Variants in CACNA2D3 observed in about 807,000 individuals in gnomAD.
CACNA2D3 encodes calcium voltage-gated channel auxiliary subunit alpha2delta 3.
In CACNA2D3, 60 loss-of-function variants were observed where a neutral mutation model predicts 160.6. The observed-to-expected ratio is 0.37, with a 90% confidence interval of 0.30 to 0.46. The LOEUF is 0.46. Ranked by LOEUF, CACNA2D3 falls within the 20% of genes least tolerant of loss-of-function variation. The pLI is 1.00. For missense variants in CACNA2D3, 1,205 were observed against 1,365.0 expected (o/e 0.88, Z 1.85); for synonymous variants, 558 against 492.9 (o/e 1.13, Z -1.75).
chr3:54,290,855 A>G (rs1703178536), intron 2 of CACNA2D3, among the ~76,000 whole-genome samples: 2 of 152,104 alleles, frequency 1.3e-5, no homozygotes, highest in East Asian at 3.9e-4. Flanking sequence ...TGGCAATTGA[A>G]CAATGAGAAC....
At chr3:54,326,616 A>G (rs1704126674) in intron 3 of CACNA2D3, among the ~76,000 whole-genome samples, 1 of 152,238 alleles carries the variant, frequency 6.6e-6, no homozygotes, top group Non-Finnish European at 1.5e-5. Context: ...TCCATTTGTA[A>G]GTTAAGGAAA....
Position 54,321,890 on chromosome 3 carries a change from G to A in CACNA2D3, c.321+1332G>A, listed in dbSNP as rs1322435289. Among the ~76,000 whole-genome samples the A allele has an allele frequency of 2.0e-5, 3 of 148,336 alleles. No homozygotes were observed. The East Asian group carries it at 6.0e-4, about 30-fold the overall frequency. ...AATTCACAGCTGCTCCAGCGACAGT[G>A]GTGTGCAAGTGCTTATTTTCTGAAA... On this transcript the variant is annotated intron_variant, in intron 3 of 37. Coordinates refer to ENST00000474759, the MANE Select transcript of CACNA2D3 (RefSeq NM_018398.3).
In CACNA2D3 at chr3:54,612,436, T is replaced by C. The variant is rs1042508214; in HGVS notation, c.964-15351T>C. The stretch of plus-strand genomic sequence containing the variant: ...TGAGCAACAGAGAAAAAGGCCAAGT[T>C]GGCTTTATGGAAGTAAAGTCAGGGA... On this transcript the variant is annotated intron_variant, in intron 9 of 37. Coordinates refer to ENST00000474759, the MANE Select transcript of CACNA2D3 (RefSeq NM_018398.3). Among the ~76,000 whole-genome samples the C allele has an allele frequency of 8.5e-5, 13 of 152,282 alleles. No individual in the cohort carries two copies. The South Asian group carries it at 2.7e-3, about 32-fold the overall frequency.
At chr3:54,357,995 A>C (rs760591113) in intron 3 of CACNA2D3, among the ~76,000 whole-genome samples, 1 of 152,238 alleles carries the variant, frequency 6.6e-6, no homozygotes, top group Non-Finnish European at 1.5e-5. Context: ...TGTTGGACAC[A>C]TGTCAAAACC....
chr3:54,159,434 T>C (rs1418225139), intron 2 of CACNA2D3, among the ~76,000 whole-genome samples: 1 of 152,214 alleles, frequency 6.6e-6, no homozygotes, highest in African/African-American at 2.4e-5. Context: ...GTATAATAAG[T>C]GATGCAGTTT....
intron 35 of CACNA2D3, among the ~76,000 whole-genome samples, chr3:55,034,467 A>G (rs182535420): frequency 6.6e-6 from 1 of 152,096 alleles, no homozygotes; most frequent in Non-Finnish European, 1.5e-5. Context: ...AAGAAAATTA[A>G]CCATTTTTCC....
chr3:54,997,940 G>A (rs1702895000), intron 31 of CACNA2D3, among the ~76,000 whole-genome samples: 1 of 152,100 alleles, frequency 6.6e-6, no homozygotes, highest in Non-Finnish European at 1.5e-5. Flanking sequence ...ATTCATGTTT[G>A]GGAAGCAGTT....
chr3:54,158,202 G>C (rs1180693106), intron 2 of CACNA2D3, among the ~76,000 whole-genome samples: 1 of 152,166 alleles, frequency 6.6e-6, no homozygotes, highest in East Asian at 1.9e-4. Context: ...CTCTCTAGGG[G>C]GTGTATTTTC....
chr3:54,419,915 G>T (rs769561979), intron 4 of CACNA2D3, among the ~76,000 whole-genome samples: 2 of 151,862 alleles, frequency 1.3e-5, no homozygotes, highest in African/African-American at 4.8e-5. Context: ...ACAGGTGCGC[G>T]CCACCATGCC....
chr3:54,652,362 A>G (rs767525044), intron 11 of CACNA2D3, among the ~76,000 whole-genome samples: 10 of 152,190 alleles, frequency 6.6e-5, no homozygotes, highest in Non-Finnish European at 1.3e-4. Flanking sequence ...AGACACCTCC[A>G]ATGAGATCAC....
At chr3:54,152,904 C>T (rs777071815) in intron 2 of CACNA2D3, among the ~76,000 whole-genome samples, 1 of 152,104 alleles carries the variant, frequency 6.6e-6, no homozygotes, top group African/African-American at 2.4e-5. Flanking sequence ...AAGAGAGGTC[C>T]CCTGGGAAGG....
rs886602643 is a variant in CACNA2D3, at chr3:55,003,934, C to T, written c.2691-829C>T. On this transcript the variant is annotated intron_variant, in intron 31 of 37. Transcript: ENST00000474759. The stretch of plus-strand genomic sequence containing the variant: ...TGGTAAGGGAGACAGGGAGCAAGGT[C>T]GGAGAAACTTTGAGACTGCTTCAAG... 1.2e-4 allele frequency among the ~76,000 whole-genome samples: 19 copies of T among 152,184 alleles called. 1 individual carries two copies. Among genetic ancestry groups the T allele is most frequent in the Admixed American group, 1.0e-3 (16 of 15,274 alleles).
At chr3:54,375,690 T>C (rs150194607) in intron 3 of CACNA2D3, among the ~76,000 whole-genome samples, 1 of 151,278 alleles carries the variant, frequency 6.6e-6, no homozygotes, top group African/African-American at 2.4e-5. Flanking sequence ...CACTGGTGGG[T>C]TTCAAACAGG....
chr3:54,797,313 A>G (rs553487616), intron 13 of CACNA2D3, among the ~76,000 whole-genome samples: 1 of 152,348 alleles, frequency 6.6e-6, no homozygotes, highest in South Asian at 2.1e-4. Flanking sequence ...AACAGTAACC[A>G]TGCAGCCAAG....
intron 2 of CACNA2D3, among the ~76,000 whole-genome samples, chr3:54,244,904 G>C (rs907852692): frequency 6.6e-6 from 1 of 152,176 alleles, no homozygotes; most frequent in Non-Finnish European, 1.5e-5. Context: ...CATATCCTCT[G>C]GGATCCATTG....
At chr3:55,018,168 T>C (rs765088384) in intron 34 of CACNA2D3, 38 bp from the exon 35 acceptor site, 1 of 1,354,558 alleles carries the variant, frequency 7.4e-7, no homozygotes, top group Admixed American at 1.8e-5. Context: ...GCCTGTGCCT[T>C]GCATTCTTTA....
intron 4 of CACNA2D3, among the ~76,000 whole-genome samples, chr3:54,478,959 CATAT>C (rs1700888172): frequency 6.6e-6 from 1 of 151,628 alleles, no homozygotes; most frequent in Non-Finnish European, 1.5e-5. Flanking sequence ...AAACCCATCT[CATAT>C]ATAGGTGATA....
chr3:54,782,510 C>T (rs1166419548), intron 13 of CACNA2D3, among the ~76,000 whole-genome samples: 2 of 152,142 alleles, frequency 1.3e-5, no homozygotes, highest in East Asian at 1.9e-4. Context: ...ATTCTTCCTT[C>T]GTTTTATTTT....
chr3:54,798,726 A>G (rs28670621), intron 13 of CACNA2D3, among the ~76,000 whole-genome samples: 2 of 152,228 alleles, frequency 1.3e-5, no homozygotes, highest in African/African-American at 4.8e-5. Context: ...AGGAAGCAAC[A>G]GGTGATAGCA....
Sources: gnomAD v4.1 joint callset for allele counts (sites outside exome capture counted in the v4.1 genomes callset) on GRCh38, gnomAD v4.1.1 for gene constraint, MANE v1.5 for transcripts, NCBI Gene and HGNC (gene_info 2026-07-23, HGNC 2026-07-21) for gene names.